MFAP5: variants seen among roughly 807,000 people sequenced by gnomAD.
MFAP5 encodes microfibril associated protein 5, also known as microfibrillar-associated protein 5.
In MFAP5, 19 loss-of-function variants were observed where a neutral mutation model predicts 30.1. That is an observed-to-expected ratio of 0.63 (90% CI 0.44 to 0.93). The LOEUF (loss-of-function observed/expected upper bound fraction) is 0.93. Ranked by LOEUF, MFAP5 falls within the 40% of genes least tolerant of loss-of-function variation. The pLI is 0.00. For synonymous variants in MFAP5, 92 were observed against 72.9 expected (o/e 1.26, Z -1.33); for missense variants, 210 against 221.3 (o/e 0.95, Z 0.32).
At chr12:8,653,192 CAAA>C (rs71451973) in intron 6 of MFAP5, among the ~76,000 whole-genome samples, 12 of 110,964 alleles carry the variant, frequency 1.1e-4, no homozygotes, top group Admixed American at 3.8e-4. Flanking sequence ...GACTCTGTGT[CAAA>C]AAAAAAAAAA....
rs1366849450 is a variant in MFAP5, at chr12:8,646,114, ACT to A, written c.*1975_*1976del. 2 of 152,502 alleles carry A rather than the reference ACT, an allele frequency of 1.3e-5. No homozygotes were observed. Among genetic ancestry groups the A allele is most frequent in the Non-Finnish European group, 2.9e-5 (2 of 68,014 alleles). 9.4% of individuals were successfully genotyped at this position (152,502 alleles called of 1,614,324 possible). ...GATATTCTTAAAATTAATCTTGGAA[ACT>A]CTGTGCCTATGAGGTTTCTCTAAAG... On this transcript the variant is annotated 3_prime_UTR_variant, in exon 10 of 10. Transcript: ENST00000359478.
chr12:8,655,440 C>T lies in MFAP5; in HGVS notation c.147G>A (p.Val49=). The T allele has an allele frequency of 6.2e-7, 1 of 1,606,306 alleles. No individual in the cohort carries two copies. Among genetic ancestry groups the T allele is most frequent in the Non-Finnish European group, 8.5e-7 (1 of 1,177,334 alleles). Residue 49 remains valine (V), a synonymous_variant, in exon 5 of 10, where the codon GTG becomes GTA. Coordinates refer to ENST00000359478, the MANE Select transcript of MFAP5 (RefSeq NM_003480.4). ...CTGTTTCATCTGTAGCGGGATCATT[C>T]ACCAGATCTGCAAAGACACATAACA... The part of the protein sequence containing the change: ...PETFTEDPNL[V]NDPATDETVL...
intron 8 of MFAP5, among the ~76,000 whole-genome samples, chr12:8,650,127 T>A (rs1435085698): frequency 1.3e-5 from 2 of 152,234 alleles, no homozygotes; most frequent in Admixed American, 6.5e-5. Flanking sequence ...TTCTTCTTAG[T>A]GACACTTTGC....
chr12:8,654,560 A>T, intron 5 of MFAP5, 79 bp from the exon 6 acceptor site: 1 of 1,362,696 alleles, frequency 7.3e-7, no homozygotes, highest in Non-Finnish European at 1.0e-6. Flanking sequence ...GGGAGAATGG[A>T]GATACCGTGG....
chr12:8,648,236 A>C, intron 9 of MFAP5, 33 bp from the exon 10 acceptor site: 1 of 1,528,078 alleles, frequency 6.5e-7, no homozygotes, highest in Non-Finnish European at 9.1e-7. Context: ...TGGGAAGAGA[A>C]TGCAGAAGAT....
chr12:8,655,812 G>A lies in MFAP5; in HGVS notation c.113C>T (p.Thr38Ile). The A allele has an allele frequency of 1.2e-6, 2 of 1,611,856 alleles. No individual in the cohort carries two copies. The highest frequency in any genetic ancestry group is 1.7e-6 in the Non-Finnish European group (2 of 1,179,768). Residue 38 changes from threonine to isoleucine, a missense_variant, in exon 4 of 10, where the codon ACT (threonine) becomes ATT (isoleucine). Transcript: ENST00000359478. ...AGGATCTTCTGTGAATGTTTCTGGA[G>A]TCGCTTGAGTCACATCGTCTGAAAA... ...SQRGDDVTQA[T>I]PETFTEDPNL...
At chr12:8,650,465 A>G (rs756471420) in intron 8 of MFAP5, 37 bp downstream of exon 8, 3 of 1,587,302 alleles carry the variant, frequency 1.9e-6, no homozygotes, top group East Asian at 2.2e-5. Flanking sequence ...AAACACTACC[A>G]TGGAAGATGC....
intron 6 of MFAP5, among the ~76,000 whole-genome samples, chr12:8,652,880 T>C (rs917070246): frequency 1.3e-5 from 2 of 152,128 alleles, no homozygotes; most frequent in Admixed American, 6.5e-5. Flanking sequence ...ATCCACCCAA[T>C]AGCCACATCT....
chr12:8,658,362 A>G (rs1352612125), intron 3 of MFAP5, among the ~76,000 whole-genome samples: 1 of 152,146 alleles, frequency 6.6e-6, no homozygotes, highest in Non-Finnish European at 1.5e-5. Context: ...AAAATTCATC[A>G]GGCTTGACAA....
intron 8 of MFAP5, among the ~76,000 whole-genome samples, chr12:8,650,012 T>A (rs909985979): frequency 6.6e-6 from 1 of 152,234 alleles, no homozygotes; most frequent in Admixed American, 6.5e-5. Context: ...CTCCCACTTA[T>A]AAGCGAGAAC....
At chr12:8,656,221 C>G (rs934202221) in intron 3 of MFAP5, among the ~76,000 whole-genome samples, 1 of 150,810 alleles carries the variant, frequency 6.6e-6, no homozygotes, top group African/African-American at 2.4e-5. Context: ...CCACAGCGCC[C>G]GGCTAATTTT....
At chr12:8,656,291 G>GC (rs1380797956) in intron 3 of MFAP5, among the ~76,000 whole-genome samples, 1 of 151,678 alleles carries the variant, frequency 6.6e-6, no homozygotes, top group East Asian at 1.9e-4. Flanking sequence ...CTCGTGAACC[G>GC]CCCCCCTCGG....
chr12:8,648,606 T>C, intron 9 of MFAP5: 1 of 1,099,860 alleles, frequency 9.1e-7, no homozygotes, highest in Non-Finnish European at 1.2e-6. Flanking sequence ...TTTACGTGCT[T>C]ACTATGGGCA....
intron 3 of MFAP5, among the ~76,000 whole-genome samples, chr12:8,656,583 T>TATACACACACACACACACACACAC (rs1555139590): frequency 5.9e-5 from 8 of 135,656 alleles, no homozygotes; most frequent in Admixed American, 2.2e-4. Flanking sequence ...AATATATATA[T>TATACACACACACACACACACACAC]ATATATATAC....
Position 8,648,155 on chromosome 12 carries a change from C to G in MFAP5, c.458G>C (p.Arg153Pro). Reference sequence around the variant, plus strand: ...GGGAGGAAGTCGGAAGTAATTGGAGCGACGGAGTCTCCTAGGGGGCAGACC... The same window carrying G: ...GGGAGGAAGTCGGAAGTAATTGGAGGGACGGAGTCTCCTAGGGGGCAGACC... ...MAGLPPRRLR[R>P]SNYFRLPPCE... is the part of the protein sequence containing the mutation. Residue 153 changes from arginine to proline, a missense_variant, in exon 10 of 10, where the codon CGC becomes CCC. Physicochemically the swap from Arg to Pro is moderately radical, Grantham distance 103. Coordinates refer to ENST00000359478, the MANE Select transcript of MFAP5 (RefSeq NM_003480.4). The G allele has an allele frequency of 6.2e-7, 1 of 1,613,836 alleles. No homozygotes were observed.
At position 8,648,119 on chromosome 12, in the gene MFAP5, A is replaced by T; in HGVS notation, c.494T>A (p.Val165Glu). 1 of 1,613,960 alleles carries T rather than the reference A, an allele frequency of 6.2e-7. No homozygotes were observed. Among genetic ancestry groups the T allele is most frequent in the Non-Finnish European group, 8.5e-7 (1 of 1,179,860 alleles). Residue 165 changes from valine to glutamate, a missense_variant, in exon 10 of 10, where the codon GTG (valine) becomes GAG (glutamate). Transcript: ENST00000359478. Reference sequence around the variant, plus strand: ...CAGACCATTGGGTCTCTGCAAATCCACATTTTCACAGGGAGGAAGTCGGAA... The same window carrying T: ...CAGACCATTGGGTCTCTGCAAATCCTCATTTTCACAGGGAGGAAGTCGGAA... ...NYFRLPPCEN[V>E]DLQRPNGL
chr12:8,661,647 G>A (rs1297141465), intron 2 of MFAP5, among the ~76,000 whole-genome samples: 1 of 151,728 alleles, frequency 6.6e-6, no homozygotes, highest in African/African-American at 2.4e-5. Flanking sequence ...AGTGCTAGGA[G>A]TATAGGTGTG....
At chr12:8,659,309 G>GAAAA (rs78077672) in intron 3 of MFAP5, among the ~76,000 whole-genome samples, 3 of 130,470 alleles carry the variant, frequency 2.3e-5, no homozygotes, top group Non-Finnish European at 3.3e-5. Context: ...ACTCTGTCTC[G>GAAAA]AAAAAAAAAA....
intron 2 of MFAP5, 59 bp downstream of exon 2, chr12:8,661,988 C>G (rs1468403494): frequency 6.6e-7 from 1 of 1,504,192 alleles, no homozygotes; most frequent in Non-Finnish European, 9.2e-7. Context: ...CCATCTCCTG[C>G]CACACACGTG....
Sources: gnomAD v4.1 joint callset for allele counts (sites outside exome capture counted in the v4.1 genomes callset) on GRCh38, gnomAD v4.1.1 for gene constraint, MANE v1.5 for transcripts, NCBI Gene and HGNC (gene_info 2026-07-23, HGNC 2026-07-21) for gene names.